ANO10: variants seen among roughly 807,000 people sequenced by gnomAD.
ANO10 encodes anoctamin-10.
A neutral mutation model predicts 74.7 loss-of-function variants in ANO10; 77 were observed. The ratio of observed to expected loss-of-function variants is 1.03; its 90% CI spans 0.86 to 1.25. The LOEUF (loss-of-function observed/expected upper bound fraction) is 1.25. Among genes scored for constraint, ANO10 ranks in the 50% most tolerant of loss-of-function variants. ANO10 has a pLI of 0.00. For missense variants in ANO10, 721 were observed against 778.1 expected, an observed-to-expected ratio of 0.93 and a Z score of 0.87; for synonymous variants, 279 against 284.9, an observed-to-expected ratio of 0.98 and a Z score of 0.21.
In ANO10 at chr3:43,567,390, C is replaced by G. The variant is rs551512349; in HGVS notation, c.1219-1663G>C. ...CCAAGACACATAATTGTCAGATTCA[C>G]CAAAGTTGATATGAAGGAAAAAATG... On this transcript the variant is annotated intron_variant, in intron 7 of 12. Coordinates refer to ENST00000292246, the MANE Select transcript of ANO10 (RefSeq NM_018075.5). Among the ~76,000 whole-genome samples the G allele has an allele frequency of 3.0e-3, 450 of 152,038 alleles. 2 individuals carry two copies. Among genetic ancestry groups the G allele is most frequent in the African/African-American group, 0.01 (426 of 41,452 alleles).
intron 1 of ANO10, among the ~76,000 whole-genome samples, chr3:43,679,617 G>A (rs2149581210): frequency 6.6e-6 from 1 of 152,374 alleles, no homozygotes; most frequent in South Asian, 2.1e-4. Flanking sequence ...CACAGCTGGA[G>A]ATCTGAGAAC....
At position 43,598,569 on chromosome 3, in the gene ANO10, A is replaced by C. The variant is rs1472849915; in HGVS notation, c.435T>G (p.Gly145=). 25 of 1,613,050 alleles carry C rather than the reference A, an allele frequency of 1.5e-5. No individual in the cohort carries two copies. The highest frequency in any genetic ancestry group is 2.1e-5 in the Non-Finnish European group (25 of 1,179,646). ...LRAKDEKMIP[G]YPQAKLYPGK... Reference sequence around the variant, plus strand: ...CTGGATACAACTTTGCCTGAGGGTAACCAGGGATCATTTTTTCATCTTTAG... The same window carrying C: ...CTGGATACAACTTTGCCTGAGGGTACCCAGGGATCATTTTTTCATCTTTAG... The change falls in exon 4 of 13, where the codon GGT becomes GGG. Residue 145 remains glycine (G), a synonymous_variant. Coordinates refer to ENST00000292246, the MANE Select transcript of ANO10 (RefSeq NM_018075.5).
chr3:43,448,131 A>G (rs1331063767), intron 11 of ANO10, among the ~76,000 whole-genome samples: 1 of 152,200 alleles, frequency 6.6e-6, no homozygotes, highest in East Asian at 1.9e-4. Context: ...AGGCCTAAGA[A>G]TCAAATCTGC....
chr3:43,562,640 C>T (rs2080103004), intron 8 of ANO10, among the ~76,000 whole-genome samples: 1 of 151,188 alleles, frequency 6.6e-6, no homozygotes, highest in Non-Finnish European at 1.5e-5. Flanking sequence ...AAGGCTGTGC[C>T]ACTGCACTCC....
chr3:43,552,696 GGATA>G (rs1218516753), intron 10 of ANO10, among the ~76,000 whole-genome samples: 34 of 51,174 alleles, frequency 6.6e-4, no homozygotes, highest in Non-Finnish European at 9.6e-4. Context: ...TATTATCTCT[GGATA>G]TATATATATA....
chr3:43,643,255 T>A (rs1162040633), intron 1 of ANO10, among the ~76,000 whole-genome samples: 1 of 151,638 alleles, frequency 6.6e-6, no homozygotes, highest in Non-Finnish European at 1.5e-5. Flanking sequence ...GTGGTCTCGA[T>A]CTCCTGACGT....
intron 11 of ANO10, among the ~76,000 whole-genome samples, chr3:43,449,148 A>G (rs2148990415): frequency 6.6e-6 from 1 of 152,210 alleles, no homozygotes; most frequent in African/African-American, 2.4e-5. Flanking sequence ...AAATGTTGGG[A>G]TTACAGGCGT....
intron 5 of ANO10, among the ~76,000 whole-genome samples, chr3:43,577,470 C>T (rs140597689): frequency 5.5e-4 from 83 of 152,256 alleles, no homozygotes; most frequent in African/African-American, 1.9e-3. Flanking sequence ...GGTTAGGGGC[C>T]AGGCCTTAGC....
At chr3:43,570,490 A>G (rs916231476) in intron 7 of ANO10, among the ~76,000 whole-genome samples, 83 of 152,342 alleles carry the variant, frequency 5.4e-4, no homozygotes, top group African/African-American at 1.9e-3. Context: ...ACAGAGATAT[A>G]GATCAATGGA....
upstream of ANO10, among the ~76,000 whole-genome samples, chr3:43,625,991 T>C (rs1300826351): frequency 1.3e-5 from 2 of 151,910 alleles, no homozygotes; most frequent in Non-Finnish European, 2.9e-5. Flanking sequence ...TAGAGTGCAG[T>C]GGCATGATCT....
intron 12 of ANO10, among the ~76,000 whole-genome samples, chr3:43,380,316 A>G (rs1400401939): frequency 6.6e-6 from 1 of 152,234 alleles, no homozygotes; most frequent in African/African-American, 2.4e-5. Flanking sequence ...ACATCCAAAT[A>G]CAAGAAGCTC....
intron 11 of ANO10, among the ~76,000 whole-genome samples, chr3:43,433,091 A>G (rs2093014529): frequency 6.7e-6 from 1 of 150,196 alleles, no homozygotes; most frequent in African/African-American, 2.4e-5. Context: ...TCCCGAGTGC[A>G]CCATCACACC....
intron 11 of ANO10, among the ~76,000 whole-genome samples, chr3:43,532,191 C>G (rs1315551667): frequency 1.3e-5 from 2 of 152,216 alleles, no homozygotes; most frequent in Non-Finnish European, 2.9e-5. Flanking sequence ...ACAGAGGACT[C>G]AGACTGTCTA....
intron 12 of ANO10, 66 bp downstream of exon 12, chr3:43,432,545 C>A: frequency 7.5e-7 from 1 of 1,327,886 alleles, no homozygotes; most frequent in Non-Finnish European, 1.1e-6. Context: ...GAGACTGATT[C>A]TTCTGAATTA....
At chr3:43,425,842 A>G (rs2092892378) in intron 12 of ANO10, among the ~76,000 whole-genome samples, 1 of 152,196 alleles carries the variant, frequency 6.6e-6, no homozygotes, top group African/African-American at 2.4e-5. Flanking sequence ...GCGTCTGTAG[A>G]GAATATCCAT....
chr3:43,605,716 C>T lies in ANO10; in HGVS notation c.137G>A (p.Gly46Glu). The change falls in exon 2 of 13, where the codon GGA becomes GAA. Residue 46 changes from glycine (G) to glutamate (E), a missense_variant and splice_region_variant. By Grantham distance (98) the Gly-to-Glu change is moderately conservative. Coordinates refer to ENST00000292246, the MANE Select transcript of ANO10 (RefSeq NM_018075.5). ...TGAGCAGTGACTATTTTACTCACCT[C>T]CATCTTTTTTTTTAGCTATAATTCT... ...KNRIIAKKKD[G>E]GAQLLFRPLL... is the part of the protein sequence containing the mutation. 6.2e-7 allele frequency: 1 copy of T among 1,613,484 alleles called. No homozygotes were observed. The highest frequency in any genetic ancestry group is 2.2e-5 in the East Asian group (1 of 44,864).
intron 1 of ANO10, among the ~76,000 whole-genome samples, chr3:43,632,265 T>A (rs2083556598): frequency 6.6e-6 from 1 of 152,186 alleles, no homozygotes. Flanking sequence ...TATGGATGTG[T>A]CAGTAGGCTT....
chr3:43,525,318 C>G (rs918356372), intron 11 of ANO10, among the ~76,000 whole-genome samples: 1 of 152,192 alleles, frequency 6.6e-6, no homozygotes, highest in African/African-American at 2.4e-5. Context: ...CCATCTCTCA[C>G]TTCAGGCTCC....
At chr3:43,508,296 T>TA (rs537035602) in intron 11 of ANO10, among the ~76,000 whole-genome samples, 82 of 152,256 alleles carry the variant, frequency 5.4e-4, no homozygotes, top group African/African-American at 1.9e-3. Flanking sequence ...GAGTACTACC[T>TA]AGGATACAGA....
Sources: allele counts gnomAD v4.1 joint callset (sites outside exome capture counted in the v4.1 genomes callset), GRCh38; gene constraint gnomAD v4.1.1; transcripts MANE v1.5; gene names NCBI Gene and HGNC (gene_info 2026-07-23, HGNC 2026-07-21).